The following SLC1A1 variants were observed in gnomAD, a reference collection of about 807,000 sequenced individuals.
The protein encoded by SLC1A1 is excitatory amino acid transporter 3.
SLC1A1 carries 43 observed loss-of-function variants against 53.3 expected under a neutral mutation model. The ratio of observed to expected loss-of-function variants is 0.81; its 90% CI spans 0.63 to 1.04. SLC1A1 has a LOEUF of 1.04. SLC1A1 is among the 50% of genes least tolerant of loss of function. The pLI, the probability that SLC1A1 is intolerant of heterozygous loss-of-function variation, is 0.00. For synonymous variants in SLC1A1, 307 were observed against 243.2 expected (o/e 1.26, Z -2.44); for missense variants, 748 against 664.9 (o/e 1.12, Z -1.37).
chr9:4,574,557 G>A (rs1820369829), intron 8 of SLC1A1, among the ~76,000 whole-genome samples: 1 of 152,124 alleles, frequency 6.6e-6, no homozygotes, highest in Non-Finnish European at 1.5e-5. Flanking sequence ...GGGAGGAATT[G>A]TGTGGGCCTT....
At position 4,550,225 on chromosome 9, in the gene SLC1A1, T is replaced by C. The variant is rs112809324; in HGVS notation, c.232+5518T>C. Among the ~76,000 whole-genome samples the C allele has an allele frequency of 4.5e-3, 679 of 152,298 alleles. 6 individuals carry two copies. The highest frequency in any genetic ancestry group is 0.015 in the African/African-American group (614 of 41,546). On this transcript the variant is annotated intron_variant, in intron 2 of 11. Transcript: ENST00000262352. The stretch of plus-strand genomic sequence containing the variant: ...ACTGGTTGGGTGACTGGATTTACAA[T>C]TGAGGATCTTCTCCAAAGATAAATT...
chr9:4,514,967 G>A (rs759638930), intron 1 of SLC1A1, among the ~76,000 whole-genome samples: 3 of 151,934 alleles, frequency 2.0e-5, no homozygotes, highest in Non-Finnish European at 4.4e-5. Context: ...TGACTGGGCT[G>A]GCAGGATTCA....
At chr9:4,534,094 A>G (rs1203037772) in intron 1 of SLC1A1, among the ~76,000 whole-genome samples, 1 of 152,204 alleles carries the variant, frequency 6.6e-6, no homozygotes, top group Non-Finnish European at 1.5e-5. Flanking sequence ...CTAAATGCCC[A>G]CAACAGAAAG....
chr9:4,579,978 TG>T (rs1273491540), intron 10 of SLC1A1, among the ~76,000 whole-genome samples: 4 of 152,192 alleles, frequency 2.6e-5, no homozygotes, highest in African/African-American at 9.7e-5. Flanking sequence ...CCCAGCACTT[TG>T]GGAGACCTAA....
In SLC1A1 at chr9:4,585,929, C is replaced by A; in HGVS notation, c.*371C>A. 29 of 194,336 alleles carry A rather than the reference C, an allele frequency of 1.5e-4. No individual in the cohort carries two copies. Among genetic ancestry groups the A allele is most frequent in the South Asian group, 7.9e-4 (8 of 10,174 alleles). The allele number at this position is 194,336 out of a possible 1,614,324, so 12.0% of individuals were successfully genotyped here. On this transcript the variant is annotated 3_prime_UTR_variant, in exon 12 of 12. Coordinates refer to ENST00000262352, the MANE Select transcript of SLC1A1 (RefSeq NM_004170.6). The stretch of plus-strand genomic sequence containing the variant: ...TGGGTTTTTAAAAAAAATATTCTGT[C>A]ATTGGTTACAAATTTTTACTCAGGC...
intron 3 of SLC1A1, among the ~76,000 whole-genome samples, chr9:4,562,520 C>G (rs1480998518): frequency 6.6e-6 from 1 of 152,278 alleles, no homozygotes; most frequent in East Asian, 1.9e-4. Flanking sequence ...GGATAAATCC[C>G]ACTTGTAAGA....
chr9:4,557,220 G>C (rs565812392), intron 2 of SLC1A1, among the ~76,000 whole-genome samples: 4 of 152,344 alleles, frequency 2.6e-5, no homozygotes, highest in Admixed American at 1.3e-4. Flanking sequence ...GGCACTGGGG[G>C]CCCAGTGAAG....
Position 4,585,945 on chromosome 9 carries a change from T to A in SLC1A1, c.*387T>A. On this transcript the variant is annotated 3_prime_UTR_variant, in exon 12 of 12. Transcript: ENST00000262352. ...ATATTCTGTCATTGGTTACAAATTT[T>A]TACTCAGGCTTTCTATTGGCATGGA... The A allele has an allele frequency of 2.1e-4, 40 of 193,326 alleles. No individual in the cohort carries two copies. The highest frequency in any genetic ancestry group is 7.6e-4 in the South Asian group (8 of 10,490). The allele number at this position is 193,326 out of a possible 1,614,324, so 12.0% of individuals were successfully genotyped here.
Position 4,544,598 on chromosome 9 carries a change from C to T in SLC1A1, c.123C>T (p.His41=), listed in dbSNP as rs142272329. The T allele has an allele frequency of 2.3e-4, 379 of 1,613,566 alleles. 1 individual carries two copies. The highest frequency in any genetic ancestry group is 1.6e-4 in the Middle Eastern group (1 of 6,084). The change falls in exon 2 of 12, where the codon CAC becomes CAT. Residue 41 remains histidine (H), a synonymous_variant. Coordinates refer to ENST00000262352, the MANE Select transcript of SLC1A1 (RefSeq NM_004170.6). Reference sequence around the variant, plus strand: ...CCACAGGAGTCTTGGTTCGAGAACACAGCAACCTCTCAACTCTAGAGAAAT... The same window carrying T: ...CCACAGGAGTCTTGGTTCGAGAACATAGCAACCTCTCAACTCTAGAGAAAT... ...GITTGVLVRE[H]SNLSTLEKFY...
chr9:4,568,695 CAA>C (rs57351478), intron 6 of SLC1A1, among the ~76,000 whole-genome samples: 7,500 of 102,656 alleles, frequency 0.073, 546 homozygotes, highest in African/African-American at 0.22. Context: ...ACTCTTGTTT[CAA>C]AAAAAAAAAA....
At chr9:4,519,662 T>C (rs1815996875) in intron 1 of SLC1A1, among the ~76,000 whole-genome samples, 1 of 152,234 alleles carries the variant, frequency 6.6e-6, no homozygotes, top group African/African-American at 2.4e-5. Context: ...AGGACAGCCA[T>C]ATGACATAGG....
intron 1 of SLC1A1, among the ~76,000 whole-genome samples, chr9:4,498,156 G>A (rs1242453949): frequency 6.6e-6 from 1 of 152,104 alleles, no homozygotes; most frequent in African/African-American, 2.4e-5. Flanking sequence ...CTGGGAGCCA[G>A]AGGAACTCTT....
intron 1 of SLC1A1, among the ~76,000 whole-genome samples, chr9:4,520,859 G>A (rs1366545017): frequency 4.6e-5 from 7 of 152,114 alleles, no homozygotes; most frequent in African/African-American, 1.7e-4. Flanking sequence ...CACAGAGGCT[G>A]CAACATTTTA....
chr9:4,498,739 C>G (rs1586687973), intron 1 of SLC1A1, among the ~76,000 whole-genome samples: 1 of 150,858 alleles, frequency 6.6e-6, no homozygotes, highest in African/African-American at 2.4e-5. Context: ...ATGAGCACTA[C>G]TAATTAGTTT....
intron 1 of SLC1A1, among the ~76,000 whole-genome samples, chr9:4,500,415 C>G (rs544026749): frequency 6.6e-6 from 1 of 152,216 alleles, no homozygotes; most frequent in Non-Finnish European, 1.5e-5. Flanking sequence ...TCAAACAATT[C>G]TCCTGCCTCA....
At position 4,572,372 on chromosome 9, in the gene SLC1A1, G is replaced by C; in HGVS notation, c.751G>C (p.Val251Leu). 6.2e-7 allele frequency: 1 copy of C among 1,613,908 alleles called. No homozygotes were observed. Among genetic ancestry groups the C allele is most frequent in the Non-Finnish European group, 8.5e-7 (1 of 1,179,806 alleles). ...NALSDATMKI[V>L]QIIMCYMPLG... ...TTTGAGTGATGCAACCATGAAAATC[G>C]TTCAGATCATCATGTGGTGAGCAGA... The change falls in exon 7 of 12, where the codon GTT becomes CTT. Residue 251 changes from valine (V) to leucine (L), a missense_variant. Transcript: ENST00000262352.
At chr9:4,547,456 G>C (rs1817585366) in intron 2 of SLC1A1, among the ~76,000 whole-genome samples, 1 of 152,176 alleles carries the variant, frequency 6.6e-6, no homozygotes, top group Non-Finnish European at 1.5e-5. Context: ...TATGAACAAA[G>C]CAGGGTGGGG....
chr9:4,535,169 A>G (rs952442285), intron 1 of SLC1A1, among the ~76,000 whole-genome samples: 1 of 152,180 alleles, frequency 6.6e-6, no homozygotes, highest in Admixed American at 6.5e-5. Context: ...GACCTCTCTC[A>G]CCACTCCTAT....
Position 4,585,569 on chromosome 9 carries a change from T to A in SLC1A1, c.*11T>A. ...ACCTCACAGTTCTAGGGCCCCTGGC[T>A]GCAGATGACTGGAAACAAGGAAGGA... On this transcript the variant is annotated 3_prime_UTR_variant, in exon 12 of 12. Coordinates refer to ENST00000262352, the MANE Select transcript of SLC1A1 (RefSeq NM_004170.6). 2 of 1,614,216 alleles carry A rather than the reference T, an allele frequency of 1.2e-6. No individual in the cohort carries two copies. Among genetic ancestry groups the A allele is most frequent in the Admixed American group, 1.7e-5 (1 of 60,028 alleles).
Sources: gnomAD v4.1 joint callset for allele counts (sites outside exome capture counted in the v4.1 genomes callset) on GRCh38, gnomAD v4.1.1 for gene constraint, MANE v1.5 for transcripts, NCBI Gene and HGNC (gene_info 2026-07-23, HGNC 2026-07-21) for gene names.